AKR1D1: variants seen among roughly 807,000 people sequenced by gnomAD.
AKR1D1 encodes the protein aldo-keto reductase family 1 member D1.
Under a neutral mutation model 42.6 loss-of-function variants are expected in AKR1D1, and 32 were observed. The observed-to-expected ratio is 0.75, with a 90% CI of 0.57 to 1.01. AKR1D1 has a LOEUF of 1.01. AKR1D1 is among the 50% of genes least tolerant of loss of function. AKR1D1 has a pLI of 0.00. For missense variants in AKR1D1, 364 were observed against 402.2 expected (o/e 0.91, Z 0.81); for synonymous variants, 123 against 135.5 (o/e 0.91, Z 0.64).
chr7:138,116,322 C>T (rs1794632262), intron 8 of AKR1D1, among the ~76,000 whole-genome samples: 1 of 152,112 alleles, frequency 6.6e-6, no homozygotes, highest in African/African-American at 2.4e-5. Flanking sequence ...AGGGAAGAGG[C>T]ATGTGCACAT....
At chr7:138,111,030 G>A (rs1222056721) in intron 7 of AKR1D1, among the ~76,000 whole-genome samples, 4 of 152,098 alleles carry the variant, frequency 2.6e-5, no homozygotes, top group Non-Finnish European at 5.9e-5. Flanking sequence ...TTATCCGACA[G>A]CTCTTTGACT....
intron 7 of AKR1D1, among the ~76,000 whole-genome samples, chr7:138,110,452 A>G (rs1437792039): frequency 6.6e-6 from 1 of 151,842 alleles, no homozygotes; most frequent in African/African-American, 2.4e-5. Flanking sequence ...AAAAAAAGTT[A>G]AGTTAAATCA....
intron 2 of AKR1D1, among the ~76,000 whole-genome samples, chr7:138,089,827 C>A (rs982644353): frequency 2.0e-5 from 3 of 152,168 alleles, no homozygotes; most frequent in Non-Finnish European, 4.4e-5. Context: ...GTCTTCACTG[C>A]AGCTCAGCAG....
intron 2 of AKR1D1, among the ~76,000 whole-genome samples, chr7:138,091,557 C>T (rs1220863269): frequency 2.0e-5 from 3 of 151,804 alleles, no homozygotes; most frequent in East Asian, 1.9e-4. Flanking sequence ...CGGCTAGGCA[C>T]GGTGGCTGAT....
At chr7:138,080,655 C>T (rs1803034604) in intron 1 of AKR1D1, among the ~76,000 whole-genome samples, 1 of 152,168 alleles carries the variant, frequency 6.6e-6, no homozygotes, top group African/African-American at 2.4e-5. Context: ...GATTTCCTGT[C>T]TAATTAACCA....
intron 2 of AKR1D1, among the ~76,000 whole-genome samples, chr7:138,090,480 T>C (rs1794045048): frequency 6.6e-6 from 1 of 151,480 alleles, no homozygotes; most frequent in Non-Finnish European, 1.5e-5. Context: ...CTACTAAAAA[T>C]ACAAAAATTA....
intron 1 of AKR1D1, among the ~76,000 whole-genome samples, chr7:138,082,129 A>G (rs1220319229): frequency 1.3e-5 from 2 of 152,172 alleles, no homozygotes; most frequent in African/African-American, 4.8e-5. Context: ...GCAGTGCTGG[A>G]TCATTTCTGC....
intron 3 of AKR1D1, among the ~76,000 whole-genome samples, chr7:138,094,731 G>A (rs1489537233): frequency 6.6e-6 from 1 of 152,162 alleles, no homozygotes; most frequent in Non-Finnish European, 1.5e-5. Context: ...TGTTGACCAT[G>A]CTGGTCTGGA....
intron 7 of AKR1D1, among the ~76,000 whole-genome samples, chr7:138,108,176 C>A (rs10263205): frequency 6.6e-6 from 1 of 152,092 alleles, no homozygotes; most frequent in Admixed American, 6.5e-5. Flanking sequence ...ATTGCCTTTA[C>A]TTCCCTCTAT....
Position 138,077,006 on chromosome 7 carries a change from G to A in AKR1D1, c.93+395G>A, listed in dbSNP as rs140812003. Among the ~76,000 whole-genome samples the A allele has an allele frequency of 6.4e-3, 979 of 152,228 alleles. 9 individuals carry two copies. Among genetic ancestry groups the A allele is most frequent in the Middle Eastern group, 0.017 (5 of 294 alleles). The stretch of plus-strand genomic sequence containing the variant: ...ACTTGCCATGCACTAAGCACTAGGC[G>A]ATAGAAGTGTCATATATGAGGAAAA... On this transcript the variant is annotated intron_variant, in intron 1 of 8. Transcript: ENST00000242375.
At chr7:138,097,817 C>T (rs1174196795) in intron 3 of AKR1D1, 49 bp from the exon 4 acceptor site, 1 of 1,361,596 alleles carries the variant, frequency 7.3e-7, no homozygotes, top group Admixed American at 1.8e-5. Flanking sequence ...ATTTAATTCC[C>T]AGATATAAAT....
intron 7 of AKR1D1, among the ~76,000 whole-genome samples, chr7:138,107,806 A>G (rs1794463414): frequency 6.6e-6 from 1 of 152,044 alleles, no homozygotes; most frequent in Non-Finnish European, 1.5e-5. Context: ...CAGATCTCTT[A>G]TATTTTCTCT....
chr7:138,082,749 A>C (rs1803084557), intron 1 of AKR1D1, among the ~76,000 whole-genome samples: 1 of 152,052 alleles, frequency 6.6e-6, no homozygotes, highest in Non-Finnish European at 1.5e-5. Flanking sequence ...TAATAATTCC[A>C]ATTTTTCATT....
intron 1 of AKR1D1, among the ~76,000 whole-genome samples, chr7:138,085,491 C>G (rs1171408448): frequency 7.0e-6 from 1 of 143,098 alleles, no homozygotes; most frequent in Non-Finnish European, 1.5e-5. Context: ...GTCACTCAGG[C>G]TGGAGTGCAG....
rs565954827 is a variant in AKR1D1, at chr7:138,085,440, T to C, written c.94-3161T>C. ...TTTGCCACTTTCTTTCTTTTTCTTT[T>C]CTTTCCTTTTTTTTTTTTTTTTGAG... On this transcript the variant is annotated intron_variant, in intron 1 of 8. Transcript: ENST00000242375. Among the ~76,000 whole-genome samples, 78 of 138,060 alleles carry C rather than the reference T, an allele frequency of 5.6e-4. 1 individual carries two copies. The highest frequency in any genetic ancestry group is 1.9e-3 in the African/African-American group (72 of 37,886). The allele number at this position is 138,060 out of a possible 152,430, so 90.6% of individuals were successfully genotyped here.
In AKR1D1 at chr7:138,116,929, A is replaced by T. The variant is rs1215327165; in HGVS notation, c.*267A>T. 2 of 434,544 alleles carry T rather than the reference A, an allele frequency of 4.6e-6. No homozygotes were observed. The highest frequency in any genetic ancestry group is 8.2e-6 in the Non-Finnish European group (2 of 244,230). 26.9% of individuals were successfully genotyped at this position (434,544 alleles called of 1,614,324 possible). A position where few individuals can be genotyped will look rare whatever the true frequency, so the allele number is the denominator to read the frequency against. ...TCTTCTAGATTCCAGACAGAAAAAA[A>T]TTACACTTCAGAAAAGACATCAAAG... On this transcript the variant is annotated 3_prime_UTR_variant, in exon 9 of 9. Transcript: ENST00000242375.
Position 138,116,748 on chromosome 7 carries a change from G to C in AKR1D1, c.*86G>C, listed in dbSNP as rs1794642517. 1.6e-6 allele frequency: 2 copies of C among 1,261,446 alleles called. No individual in the cohort carries two copies. Among genetic ancestry groups the C allele is most frequent in the Non-Finnish European group, 1.2e-6 (1 of 866,714 alleles). The allele number at this position is 1,261,446 out of a possible 1,614,324, so 78.1% of individuals were successfully genotyped here. ...AGTCCCCTAGATGTGAAAATGAAGAGAGAGGGTTTTACCATCCTGAGAAGA... is the reference window on the plus strand; with the variant it reads ...AGTCCCCTAGATGTGAAAATGAAGACAGAGGGTTTTACCATCCTGAGAAGA... On this transcript the variant is annotated 3_prime_UTR_variant, in exon 9 of 9. Transcript: ENST00000242375.
chr7:138,079,799 C>A (rs1169815639), intron 1 of AKR1D1, among the ~76,000 whole-genome samples: 1 of 152,238 alleles, frequency 6.6e-6, no homozygotes, highest in Non-Finnish European at 1.5e-5. Flanking sequence ...GCTCTGGCCA[C>A]ACAGTCACAT....
intron 7 of AKR1D1, among the ~76,000 whole-genome samples, chr7:138,108,063 G>A (rs958029627): frequency 1.3e-5 from 2 of 152,124 alleles, no homozygotes; most frequent in African/African-American, 4.8e-5. Context: ...ATAAAATTTG[G>A]AATTCATAAT....
Sources: allele counts gnomAD v4.1 joint callset (sites outside exome capture counted in the v4.1 genomes callset), GRCh38; gene constraint gnomAD v4.1.1; transcripts MANE v1.5; gene names NCBI Gene and HGNC (gene_info 2026-07-23, HGNC 2026-07-21).